Variants in ORC4 observed in about 807,000 individuals in gnomAD.
The protein encoded by ORC4 is origin recognition complex subunit 4, also known as origin recognition complex, subunit 4 homolog.
A neutral mutation model predicts 63.9 loss-of-function variants in ORC4; 55 were observed. The ratio of observed to expected loss-of-function variants is 0.86; its 90% confidence interval spans 0.69 to 1.08. ORC4 has a LOEUF of 1.08. Among genes scored for constraint, ORC4 ranks in the 50% least tolerant of loss-of-function variants. The pLI is 0.00. For synonymous variants in ORC4, 150 were observed against 168.5 expected (o/e 0.89, Z 0.85); for missense variants, 511 against 504.4 (o/e 1.01, Z -0.13).
chr2:148,006,916 A>G (rs1692672983), intron 1 of ORC4, among the ~76,000 whole-genome samples: 1 of 152,230 alleles, frequency 6.6e-6, no homozygotes, highest in African/African-American at 2.4e-5. Context: ...AGGCCAGTAC[A>G]GAGAAAGACT....
intron 1 of ORC4, among the ~76,000 whole-genome samples, chr2:147,990,862 C>T (rs190186028): frequency 6.6e-6 from 1 of 151,942 alleles, no homozygotes; most frequent in Non-Finnish European, 1.5e-5. Context: ...TGTCTTGGTA[C>T]TTAAACTGAT....
At chr2:148,013,148 C>T (rs1384003620) in intron 1 of ORC4, among the ~76,000 whole-genome samples, 1 of 152,068 alleles carries the variant, frequency 6.6e-6, no homozygotes, top group Non-Finnish European at 1.5e-5. Flanking sequence ...TTAACTGCAG[C>T]ACTATACACA....
chr2:147,990,643 A>G (rs546961870), intron 1 of ORC4, among the ~76,000 whole-genome samples: 1 of 152,356 alleles, frequency 6.6e-6, no homozygotes, highest in Admixed American at 6.5e-5. Flanking sequence ...CAACTTTTGG[A>G]CCACAGGTGA....
chr2:148,002,233 G>T (rs1433189748), intron 1 of ORC4, among the ~76,000 whole-genome samples: 2 of 152,082 alleles, frequency 1.3e-5, no homozygotes, highest in Non-Finnish European at 2.9e-5. Flanking sequence ...GGACACTCAG[G>T]ACTTGAACTC....
chr2:147,961,876 G>C (rs1573795932), intron 4 of ORC4, among the ~76,000 whole-genome samples: 1 of 152,158 alleles, frequency 6.6e-6, no homozygotes, highest in Non-Finnish European at 1.5e-5. Context: ...ATGAAAAGGT[G>C]CTATAACGTG....
chr2:148,005,009 G>T (rs531972831), intron 1 of ORC4, among the ~76,000 whole-genome samples: 5 of 152,234 alleles, frequency 3.3e-5, no homozygotes, highest in Non-Finnish European at 7.4e-5. Context: ...GATTCCTCAA[G>T]GATCTAGAAC....
At chr2:148,009,594 A>T (rs1381770714) in intron 1 of ORC4, among the ~76,000 whole-genome samples, 2 of 152,206 alleles carry the variant, frequency 1.3e-5, no homozygotes, top group Non-Finnish European at 2.9e-5. Flanking sequence ...AGTGTATTAG[A>T]GTTAAGGAGA....
At chr2:147,939,918 A>G (rs1688266765) in intron 10 of ORC4, among the ~76,000 whole-genome samples, 1 of 152,210 alleles carries the variant, frequency 6.6e-6, no homozygotes, top group Admixed American at 6.6e-5. Context: ...TTTAGCAGAT[A>G]AAAATGCATG....
chr2:147,988,147 T>C (rs1456687879), intron 1 of ORC4, among the ~76,000 whole-genome samples: 2 of 152,034 alleles, frequency 1.3e-5, no homozygotes, highest in African/African-American at 2.4e-5. Context: ...ATATTTAATA[T>C]ATACATTGAC....
intron 13 of ORC4, chr2:147,936,314 C>T (rs931012903): frequency 2.0e-5 from 3 of 153,080 alleles, no homozygotes; most frequent in Non-Finnish European, 2.9e-5. Flanking sequence ...TTCCATCTTC[C>T]CCATCTTAAT....
intron 1 of ORC4, among the ~76,000 whole-genome samples, chr2:147,990,171 G>A (rs1399061364): frequency 2.6e-5 from 4 of 152,122 alleles, no homozygotes; most frequent in African/African-American, 9.7e-5. Context: ...CTCAAAGATA[G>A]GTAAGTATGG....
chr2:147,938,098 T>TA (rs747147531), intron 13 of ORC4, 48 bp downstream of exon 13: 5 of 1,263,316 alleles, frequency 4.0e-6, no homozygotes, highest in Admixed American at 3.5e-5. Context: ...AAATTGGATG[T>TA]AAAAAATATA....
chr2:147,945,363 TA>T (rs1688601389), intron 9 of ORC4, among the ~76,000 whole-genome samples: 1 of 152,082 alleles, frequency 6.6e-6, no homozygotes, highest in African/African-American at 2.4e-5. Context: ...CTTCTATAAT[TA>T]CTTATTCTGC....
At chr2:147,957,124 T>A (rs990147861) in intron 6 of ORC4, among the ~76,000 whole-genome samples, 2 of 147,856 alleles carry the variant, frequency 1.4e-5, no homozygotes, top group Non-Finnish European at 3.0e-5. Flanking sequence ...ATTAATAATT[T>A]AGATTATAAT....
At chr2:148,011,971 T>A (rs1263349266) in intron 1 of ORC4, among the ~76,000 whole-genome samples, 2 of 151,924 alleles carry the variant, frequency 1.3e-5, no homozygotes, top group Non-Finnish European at 2.9e-5. Context: ...TGAAAAGACA[T>A]CCCATGCTCA....
chr2:148,007,824 A>G (rs1396118297), intron 1 of ORC4, among the ~76,000 whole-genome samples: 2 of 152,210 alleles, frequency 1.3e-5, no homozygotes, highest in Non-Finnish European at 2.9e-5. Context: ...TAAAAGCGGC[A>G]AAAGAAAAGA....
Position 147,935,243 on chromosome 2 carries a change from T to C in ORC4, c.*267A>G. ...AATAGACCATTATATATATAAGTGT[T>C]AAAAAAGCACATGGTCTAGTCCCTA... On this transcript the variant is annotated 3_prime_UTR_variant, in exon 14 of 14. Coordinates refer to ENST00000392857, the MANE Select transcript of ORC4 (RefSeq NM_181741.4). 1 of 456,304 alleles carries C rather than the reference T, an allele frequency of 2.2e-6. No homozygotes were observed. The highest frequency in any genetic ancestry group is 4.0e-6 in the Non-Finnish European group (1 of 248,504). The allele number at this position is 456,304 out of a possible 1,614,324, so 28.3% of individuals were successfully genotyped here. A position where few individuals can be genotyped will look rare whatever the true frequency, so the allele number is the denominator to read the frequency against.
intron 9 of ORC4, among the ~76,000 whole-genome samples, chr2:147,945,444 A>G (rs2105278364): frequency 1.3e-5 from 2 of 152,178 alleles, no homozygotes; most frequent in East Asian, 3.9e-4. Context: ...CGTTCATTAT[A>G]TTTTTAATTC....
chr2:147,999,644 T>G (rs1692182342), intron 1 of ORC4, among the ~76,000 whole-genome samples: 2 of 152,100 alleles, frequency 1.3e-5, no homozygotes. Context: ...CTTGGAGAAC[T>G]CTTCTTATTA....
Sources: gnomAD v4.1 joint callset for allele counts (sites outside exome capture counted in the v4.1 genomes callset) on GRCh38, gnomAD v4.1.1 for gene constraint, MANE v1.5 for transcripts, NCBI Gene and HGNC (gene_info 2026-07-23, HGNC 2026-07-21) for gene names.